The following CCDC144A variants were observed in gnomAD, a reference collection of about 807,000 sequenced individuals.
CCDC144A encodes coiled-coil domain-containing protein 144A.
CCDC144A carries 41 observed loss-of-function variants against 143.8 expected under a neutral mutation model. The observed-to-expected ratio is 0.29, with a 90% CI of 0.22 to 0.37. The LOEUF is 0.37. Ranked by LOEUF, CCDC144A falls within the 10% of genes least tolerant of loss-of-function variation. The probability of loss-of-function intolerance (pLI) is 1.00; values close to 1 mark genes in which losing one functional copy is unlikely to be tolerated. For synonymous variants in CCDC144A, 242 were observed against 517.9 expected, an observed-to-expected ratio of 0.47 and a Z score of 7.23; for missense variants, 637 against 1,488.8, an observed-to-expected ratio of 0.43 and a Z score of 9.41.
upstream of CCDC144A, among the ~76,000 whole-genome samples, chr17:16,686,643 CA>C (rs1910790894): frequency 6.8e-6 from 1 of 147,864 alleles, no homozygotes; most frequent in Non-Finnish European, 1.5e-5. Context: ...TCTGACTCCA[CA>C]AAAAAAAATT....
chr17:16,747,950 A>G (rs1457852262), intron 12 of CCDC144A, among the ~76,000 whole-genome samples: 1 of 152,140 alleles, frequency 6.6e-6, no homozygotes, highest in East Asian at 1.9e-4. Context: ...GAGTTCCAGT[A>G]CTATGTTGAA....
chr17:16,667,599 C>T, the CCDC144A span, among the ~76,000 whole-genome samples: 3,478 of 152,110 alleles, frequency 0.023, 120 homozygotes, highest in African/African-American at 0.08. Flanking sequence ...CTTGTTTTCT[C>T]ACTGTGAACC....
chr17:16,756,324 T>C (rs1261007055), intron 12 of CCDC144A, among the ~76,000 whole-genome samples: 1 of 152,220 alleles, frequency 6.6e-6, no homozygotes, highest in African/African-American at 2.4e-5. Context: ...TTTTGCTTTT[T>C]GTTTGCCTGG....
chr17:16,697,782 A>C (rs1409335967), intron 2 of CCDC144A, among the ~76,000 whole-genome samples: 2 of 152,238 alleles, frequency 1.3e-5, no homozygotes, highest in African/African-American at 4.8e-5. Flanking sequence ...AACGTGTCAT[A>C]GTGGAAATAT....
intron 6 of CCDC144A, among the ~76,000 whole-genome samples, chr17:16,717,308 C>T (rs910058658): frequency 6.8e-5 from 10 of 147,640 alleles, no homozygotes; most frequent in African/African-American, 2.3e-4. Context: ...AGATGGGTTT[C>T]ACCATGTTGG....
chr17:16,768,359 T>G (rs2143402132), intron 15 of CCDC144A, among the ~76,000 whole-genome samples: 1 of 152,272 alleles, frequency 6.6e-6, no homozygotes, highest in East Asian at 1.9e-4. Context: ...TGTCATACTT[T>G]AAGGCCCAGG....
At chr17:16,746,301 T>C (rs899788) in intron 12 of CCDC144A, 3 of 1,201,464 alleles carry the variant, frequency 2.5e-6, no homozygotes, top group South Asian at 3.0e-5. Context: ...CTTTCTTCTT[T>C]TCTTCTTTTT....
rs749636147 is a variant in CCDC144A, at chr17:16,709,013, C to T, written c.956C>T (p.Pro319Leu). 1.2e-6 allele frequency: 2 copies of T among 1,611,562 alleles called. No individual in the cohort carries two copies. The highest frequency in any genetic ancestry group is 1.7e-5 in the Admixed American group (1 of 59,996). The stretch of plus-strand genomic sequence containing the variant: ...ATTCCGGCTTGTCCTGAGGAAGAGC[C>T]ACTACTTGATAACTCTACAAGAGGA... ...YKIPACPEEE[P>L]LLDNSTRGTD... The change falls in exon 5 of 17, where the codon CCA (proline) becomes CTA (leucine). Residue 319 changes from proline to leucine, a missense_variant. Transcript: ENST00000399273.
the CCDC144A span, among the ~76,000 whole-genome samples, chr17:16,669,440 A>G: frequency 2.0e-5 from 3 of 152,256 alleles, no homozygotes; most frequent in Non-Finnish European, 2.9e-5. Context: ...GATAATGTGT[A>G]CTTGTCTAAC....
chr17:16,676,511 C>CAA, the CCDC144A span, among the ~76,000 whole-genome samples: 22 of 80,036 alleles, frequency 2.7e-4, no homozygotes, highest in South Asian at 9.0e-4. Context: ...ACTCCGTCTC[C>CAA]AAAAAAAAAA....
At chr17:16,762,975 A>G (rs1915443009) in intron 14 of CCDC144A, among the ~76,000 whole-genome samples, 1 of 147,352 alleles carries the variant, frequency 6.8e-6, no homozygotes, top group Non-Finnish European at 1.5e-5. Flanking sequence ...AGAAAGGGTC[A>G]AGTACGACTA....
chr17:16,709,914 A>G (rs1251958893), intron 5 of CCDC144A: 4 of 356,732 alleles, frequency 1.1e-5, no homozygotes, highest in South Asian at 3.3e-5. Flanking sequence ...GAACCAGGAG[A>G]GGCGTCAAGA....
At chr17:16,753,246 T>G (rs1194366577) in intron 12 of CCDC144A, among the ~76,000 whole-genome samples, 1 of 150,870 alleles carries the variant, frequency 6.6e-6, no homozygotes, top group Admixed American at 6.6e-5. Context: ...ATCTCCTGGC[T>G]GCATGTGGTG....
At chr17:16,728,163 G>A (rs1913523291) in intron 9 of CCDC144A, among the ~76,000 whole-genome samples, 1 of 152,166 alleles carries the variant, frequency 6.6e-6, no homozygotes, top group Non-Finnish European at 1.5e-5. Context: ...AGCATCCTAA[G>A]TAGTTGGGAC....
chr17:16,689,699 G>C (rs551004520), upstream of CCDC144A: 88 of 152,662 alleles, frequency 5.8e-4, no homozygotes, highest in African/African-American at 2.1e-3. Context: ...CCCAGAGCTG[G>C]TCCCTGGCTC....
chr17:16,747,163 A>T (rs1369739015), intron 12 of CCDC144A, among the ~76,000 whole-genome samples: 2 of 152,148 alleles, frequency 1.3e-5, no homozygotes, highest in Middle Eastern at 3.4e-3. Flanking sequence ...TTGAATAGGG[A>T]GTCCTTTCCC....
intron 12 of CCDC144A, among the ~76,000 whole-genome samples, chr17:16,739,583 G>A (rs2621552): frequency 6.8e-6 from 1 of 147,556 alleles, no homozygotes; most frequent in Non-Finnish European, 1.5e-5. Context: ...TTACTTTTAG[G>A]TATGACATTT....
chr17:16,722,001 A>G (rs1597557300), intron 8 of CCDC144A, among the ~76,000 whole-genome samples: 1 of 152,144 alleles, frequency 6.6e-6, no homozygotes, highest in Non-Finnish European at 1.5e-5. Context: ...GAAAGGAGAC[A>G]TTCCTGTATT....
the CCDC144A span, chr17:16,683,489 C>A: frequency 6.9e-7 from 1 of 1,456,026 alleles, no homozygotes; most frequent in Non-Finnish European, 9.6e-7. Context: ...CCTTGCCCTG[C>A]CGCCGCTCTC....
Sources: gnomAD v4.1 joint callset for allele counts (sites outside exome capture counted in the v4.1 genomes callset) on GRCh38, gnomAD v4.1.1 for gene constraint, MANE v1.5 for transcripts, NCBI Gene and HGNC (gene_info 2026-07-23, HGNC 2026-07-21) for gene names.